PCDH7: variants seen among roughly 807,000 people sequenced by gnomAD.
The protein encoded by PCDH7 is protocadherin 7, also known as protocadherin-7.
A neutral mutation model predicts 58.9 loss-of-function variants in PCDH7; 17 were observed. The observed-to-expected ratio is 0.29, with a 90% CI of 0.20 to 0.43. The LOEUF (loss-of-function observed/expected upper bound fraction) is 0.43, where lower values mean the gene tolerates loss of function less well. Among genes scored for constraint, PCDH7 ranks in the 20% least tolerant of loss-of-function variants. The pLI, the probability that PCDH7 is intolerant of heterozygous loss-of-function variation, is 1.00. For synonymous variants in PCDH7, 664 were observed against 616.4 expected, an observed-to-expected ratio of 1.08 and a Z score of -1.14; for missense variants, 1,274 against 1,441.0, an observed-to-expected ratio of 0.88 and a Z score of 1.88.
At chr4:30,846,427 A>T (rs1265886372) in intron 1 of PCDH7, among the ~76,000 whole-genome samples, 1 of 151,694 alleles carries the variant, frequency 6.6e-6, no homozygotes, top group African/African-American at 2.4e-5. Flanking sequence ...CACAGCAAGA[A>T]GGCCCGCACC....
At chr4:30,952,549 T>C (rs1468491554) in intron 3 of PCDH7, among the ~76,000 whole-genome samples, 1 of 151,674 alleles carries the variant, frequency 6.6e-6, no homozygotes, top group Non-Finnish European at 1.5e-5. Flanking sequence ...GAAGGAAACA[T>C]GTCATTAAAA....
intron 3 of PCDH7, among the ~76,000 whole-genome samples, chr4:30,974,970 T>C (rs1486846946): frequency 6.6e-6 from 1 of 152,174 alleles, no homozygotes; most frequent in East Asian, 1.9e-4. Context: ...TACATCTTTC[T>C]GGAAAGAACC....
chr4:30,967,492 A>G (rs1749100528), intron 3 of PCDH7, among the ~76,000 whole-genome samples: 1 of 152,122 alleles, frequency 6.6e-6, no homozygotes, highest in Non-Finnish European at 1.5e-5. Context: ...CTTTTGCATG[A>G]AAACTACATA....
At chr4:31,032,379 G>A (rs543028673) in intron 3 of PCDH7, among the ~76,000 whole-genome samples, 13 of 152,192 alleles carry the variant, frequency 8.5e-5, no homozygotes, top group South Asian at 2.1e-4. Context: ...AGGCCAAGGC[G>A]GGTGGATCAC....
intron 3 of PCDH7, among the ~76,000 whole-genome samples, chr4:30,972,399 T>C (rs4361347): frequency 0.77 from 116,746 of 151,986 alleles, 45,736 homozygotes; most frequent in African/African-American, 0.94. Flanking sequence ...TCTAAGTCTG[T>C]CCTACAGTTA....
chr4:30,814,979 C>T (rs934928900), intron 1 of PCDH7, among the ~76,000 whole-genome samples: 5 of 151,868 alleles, frequency 3.3e-5, no homozygotes, highest in African/African-American at 1.2e-4. Context: ...ACTAGATGGG[C>T]TCAAAGAGTA....
At chr4:30,917,367 A>G (rs1301295986) in intron 1 of PCDH7, among the ~76,000 whole-genome samples, 1 of 152,154 alleles carries the variant, frequency 6.6e-6, no homozygotes, top group East Asian at 1.9e-4. Context: ...ATTATTCAAA[A>G]CTGTCAAAAT....
intron 2 of PCDH7, among the ~76,000 whole-genome samples, chr4:30,927,820 C>T (rs979653906): frequency 1.3e-5 from 2 of 149,816 alleles, no homozygotes; most frequent in Admixed American, 1.3e-4. Flanking sequence ...CCTGCCAAAT[C>T]CCCCTCTGCG....
At chr4:30,873,782 A>T (rs1735923757) in intron 1 of PCDH7, among the ~76,000 whole-genome samples, 1 of 152,100 alleles carries the variant, frequency 6.6e-6, no homozygotes, top group South Asian at 2.1e-4. Context: ...ATTCAAATCC[A>T]TAGAAATACA....
At chr4:30,977,237 T>G (rs2109480906) in intron 3 of PCDH7, among the ~76,000 whole-genome samples, 1 of 152,288 alleles carries the variant, frequency 6.6e-6, no homozygotes, top group African/African-American at 2.4e-5. Flanking sequence ...TCTGGGCCAC[T>G]TTTACAATAG....
intron 3 of PCDH7, among the ~76,000 whole-genome samples, chr4:31,014,192 C>CAGAG (rs1343859021): frequency 6.6e-6 from 1 of 151,400 alleles, no homozygotes; most frequent in African/African-American, 2.4e-5. Flanking sequence ...AAAATCTACC[C>CAGAG]AGAGGGGTCA....
chr4:30,913,419 T>C (rs749698039), intron 1 of PCDH7, among the ~76,000 whole-genome samples: 2 of 152,208 alleles, frequency 1.3e-5, no homozygotes, highest in Non-Finnish European at 2.9e-5. Flanking sequence ...TTTTGAAAAT[T>C]GTTTCAGTCT....
At chr4:30,909,649 A>G (rs1346153671) in intron 1 of PCDH7, among the ~76,000 whole-genome samples, 2 of 152,212 alleles carry the variant, frequency 1.3e-5, no homozygotes, top group Non-Finnish European at 2.9e-5. Context: ...AAGGAGAACT[A>G]CAAACCACTG....
chr4:30,997,034 C>A (rs1002205852), intron 3 of PCDH7, among the ~76,000 whole-genome samples: 1 of 151,842 alleles, frequency 6.6e-6, no homozygotes, highest in East Asian at 1.9e-4. Context: ...AATCAGTGAA[C>A]CCTAAACATG....
intron 3 of PCDH7, among the ~76,000 whole-genome samples, chr4:31,119,557 G>C (rs1249373339): frequency 1.3e-5 from 2 of 152,106 alleles, no homozygotes; most frequent in African/African-American, 4.8e-5. Flanking sequence ...AAAAGCTTTA[G>C]AGCAGGAACG....
At chr4:30,985,930 C>A (rs549628094) in intron 3 of PCDH7, among the ~76,000 whole-genome samples, 1 of 152,032 alleles carries the variant, frequency 6.6e-6, no homozygotes, top group East Asian at 1.9e-4. Flanking sequence ...ACAACAATAA[C>A]AACAACAAAA....
At chr4:30,978,231 A>G (rs1750247447) in intron 3 of PCDH7, among the ~76,000 whole-genome samples, 3 of 152,232 alleles carry the variant, frequency 2.0e-5, no homozygotes. Context: ...ATGATTTTTC[A>G]GTCCTGCCTC....
chr4:30,933,096 G>C (rs1210385752), intron 2 of PCDH7, among the ~76,000 whole-genome samples: 1 of 151,306 alleles, frequency 6.6e-6, no homozygotes, highest in East Asian at 2.0e-4. Flanking sequence ...GCCTGATCTC[G>C]GCTCACTGCA....
At chr4:30,824,970 G>GA (rs1301868003) in intron 1 of PCDH7, among the ~76,000 whole-genome samples, 1 of 152,068 alleles carries the variant, frequency 6.6e-6, no homozygotes, top group East Asian at 1.9e-4. Flanking sequence ...ATAAAATGGT[G>GA]AAAGAGGGAT....
Sources: allele counts gnomAD v4.1 joint callset (sites outside exome capture counted in the v4.1 genomes callset), GRCh38; gene constraint gnomAD v4.1.1; transcripts MANE v1.5; gene names NCBI Gene and HGNC (gene_info 2026-07-23, HGNC 2026-07-21).